MAP7D2: variants seen among roughly 807,000 people sequenced by gnomAD.
MAP7D2 encodes the protein MAP7 domain-containing protein 2.
Under a neutral mutation model 63.5 loss-of-function variants are expected in MAP7D2, and 33 were observed. The observed-to-expected ratio is 0.52, with a 90% CI of 0.39 to 0.70. The LOEUF (loss-of-function observed/expected upper bound fraction) is 0.70. MAP7D2 is among the 30% of genes least tolerant of loss of function. The pLI, the probability that MAP7D2 is intolerant of heterozygous loss-of-function variation, is 0.00. For missense variants in MAP7D2, 626 were observed against 604.0 expected (o/e 1.04, Z -0.38); for synonymous variants, 224 against 223.7 (o/e 1.00, Z -0.01).
chrX:20,042,758 C>T (rs1223729021), intron 7 of MAP7D2, 129 bp from the exon 8 acceptor site: 3 of 777,116 alleles, frequency 3.9e-6, no homozygotes, highest in East Asian at 3.2e-5. Flanking sequence ...TAACGCTTCA[C>T]ATGACAGGCA....
Position 20,060,482 on chromosome X carries a change from GAA to G in MAP7D2, c.372+2930_372+2931del, listed in dbSNP as rs1433791740. Among the ~76,000 whole-genome samples, 41 of 101,124 alleles carry G rather than the reference GAA, an allele frequency of 4.1e-4. 1 individual carries two copies. Among genetic ancestry groups the G allele is most frequent in the Non-Finnish European group, 6.8e-4 (33 of 48,578 alleles). 87.8% of individuals were successfully genotyped at this position (101,124 alleles called of 115,157 possible). A position where few individuals can be genotyped will look rare whatever the true frequency, so the allele number is the denominator to read the frequency against. ...AGAAAGAAAGAAAGAAAGAAAGAAA[GAA>G]AGAAAGAGAAAGAGGCCTTTCTCTT... On this transcript the variant is annotated intron_variant, in intron 3 of 16. Transcript: ENST00000379643.
Position 20,097,396 on chromosome X carries a change from C to T in MAP7D2, c.130+19354G>A, listed in dbSNP as rs371331836. On this transcript the variant is annotated intron_variant, in intron 1 of 16. Transcript: ENST00000379643. ...GGGTGAAGCACCTAAGTAGTGTGTG[C>T]CAAAGAGGGGTGGGGCCAAAAAACA... 1.4e-4 allele frequency among the ~76,000 whole-genome samples: 16 copies of T among 111,197 alleles called. No individual in the cohort carries two copies. The South Asian group carries it at 2.7e-3, about 19-fold the overall frequency.
intron 1 of MAP7D2, among the ~76,000 whole-genome samples, chrX:20,110,115 A>G (rs940306329): frequency 9.7e-6 from 1 of 102,916 alleles, no homozygotes; most frequent in African/African-American, 3.6e-5. Flanking sequence ...TTTGGTCATT[A>G]TTCCCAAAAC....
intron 1 of MAP7D2, among the ~76,000 whole-genome samples, chrX:20,110,132 A>C (rs1438652727): frequency 2.8e-5 from 3 of 107,687 alleles, no homozygotes; most frequent in African/African-American, 1.0e-4. Context: ...AAACAACGAC[A>C]CAGTATAGCA....
intron 16 of MAP7D2, among the ~76,000 whole-genome samples, chrX:20,008,690 C>A (rs1425999683): frequency 8.9e-6 from 1 of 112,139 alleles, no homozygotes; most frequent in Non-Finnish European, 1.9e-5. Context: ...CCCAGCCACT[C>A]TGGCAACAAA....
chrX:20,063,257 G>C (rs1337361095), intron 3 of MAP7D2, among the ~76,000 whole-genome samples, 157 bp downstream of exon 3: 1 of 111,937 alleles, frequency 8.9e-6, no homozygotes, highest in Non-Finnish European at 1.9e-5. Flanking sequence ...GCTGCTTCGA[G>C]TTTCATGTCA....
intron 5 of MAP7D2, among the ~76,000 whole-genome samples, chrX:20,052,105 T>C (rs1338874189): frequency 8.9e-6 from 1 of 112,537 alleles, no homozygotes; most frequent in Non-Finnish European, 1.9e-5. Flanking sequence ...CCTTTTGCTC[T>C]GCCCTTGGTG....
At chrX:20,070,356 C>T (rs1203205354) in intron 1 of MAP7D2, among the ~76,000 whole-genome samples, 4 of 110,134 alleles carry the variant, frequency 3.6e-5, no homozygotes, top group Non-Finnish European at 7.6e-5. Flanking sequence ...CTCCTGGCCT[C>T]AAGTGGTCCT....
chrX:20,079,880 C>T (rs1327374529), intron 1 of MAP7D2, among the ~76,000 whole-genome samples: 1 of 111,261 alleles, frequency 9.0e-6, no homozygotes, highest in East Asian at 2.8e-4. Flanking sequence ...TCCAGGAAAC[C>T]CCCCACAACT....
intron 8 of MAP7D2, among the ~76,000 whole-genome samples, chrX:20,027,969 C>T (rs2073926596): frequency 9.1e-6 from 1 of 110,380 alleles, no homozygotes; most frequent in African/African-American, 3.3e-5. Flanking sequence ...CACGTTGAGT[C>T]CTCATGTGTT....
intron 7 of MAP7D2, among the ~76,000 whole-genome samples, chrX:20,044,159 C>T (rs193297434): frequency 3.6e-5 from 4 of 111,780 alleles, no homozygotes; most frequent in Non-Finnish European, 7.5e-5. Context: ...GAATTTGCTC[C>T]AAGGTACTAA....
chrX:20,066,090 T>C (rs1207954738), intron 1 of MAP7D2, among the ~76,000 whole-genome samples: 1 of 110,493 alleles, frequency 9.1e-6, no homozygotes, highest in Non-Finnish European at 1.9e-5. Flanking sequence ...GCCCGGCTAA[T>C]TTTTTGTATT....
At chrX:20,040,640 C>T (rs112260319) in intron 8 of MAP7D2, among the ~76,000 whole-genome samples, 1 of 110,741 alleles carries the variant, frequency 9.0e-6, no homozygotes, top group Admixed American at 9.7e-5. Context: ...TAGACAGATC[C>T]AAGGAGAGGG....
chrX:20,077,799 T>C (rs2065685162), intron 1 of MAP7D2, among the ~76,000 whole-genome samples: 2 of 112,007 alleles, frequency 1.8e-5, no homozygotes, highest in African/African-American at 6.5e-5. Flanking sequence ...GGGCAAGGAT[T>C]CTTTTCCAAC....
intron 2 of MAP7D2, among the ~76,000 whole-genome samples, chrX:20,064,179 G>A (rs2065291672): frequency 8.9e-6 from 1 of 112,035 alleles, no homozygotes; most frequent in African/African-American, 3.2e-5. Flanking sequence ...CAGTGAAGAA[G>A]AGAAGAACCT....
intron 1 of MAP7D2, chrX:20,116,468 G>T: frequency 1.6e-6 from 1 of 641,011 alleles, no homozygotes; most frequent in Non-Finnish European, 1.9e-6. Flanking sequence ...ACCCCCTCAG[G>T]CACCTCCATC....
intron 1 of MAP7D2, among the ~76,000 whole-genome samples, chrX:20,101,601 G>A (rs1306673579): frequency 1.8e-5 from 2 of 111,933 alleles, no homozygotes; most frequent in African/African-American, 6.5e-5. Context: ...CAAGCATAAC[G>A]CTCATAAAAG....
At position 20,024,951 on chromosome X, in the gene MAP7D2, C is replaced by G. The variant is rs1396397313; in HGVS notation, c.1412G>C (p.Arg471Thr). 8.3e-7 allele frequency: 1 copy of G among 1,209,319 alleles called. No individual in the cohort carries two copies. Among genetic ancestry groups the G allele is most frequent in the Non-Finnish European group, 1.1e-6 (1 of 894,371 alleles). The change falls in exon 10 of 17, where the codon AGG (arginine) becomes ACG (threonine). Residue 471 changes from arginine to threonine, a missense_variant and splice_region_variant. Transcript: ENST00000379643. The stretch of plus-strand genomic sequence containing the variant: ...ACCGAAATTCTGAGCACTAGCATAC[C>G]TATCTTGTTCTTCCTTCTCCAGTCG... ...QERLEKEEQD[R>T]LEREELKRKA...
chrX:20,064,715 G>C lies in MAP7D2; in HGVS notation c.208+13C>G, dbSNP rs1357751667. The C allele has an allele frequency of 4.2e-6, 5 of 1,203,679 alleles. No individual in the cohort carries two copies. Among genetic ancestry groups the C allele is most frequent in the African/African-American group, 1.7e-5 (1 of 57,585 alleles). On this transcript the variant is annotated intron_variant, in intron 2 of 16. Coordinates refer to ENST00000379643, the MANE Select transcript of MAP7D2 (RefSeq NM_001168465.2). ...ACTCCCTTGGACCAAAATAGCCAAA[G>C]TGCATAACTTACCCAGACATTTTTC...
Sources: gnomAD v4.1 joint callset for allele counts (sites outside exome capture counted in the v4.1 genomes callset) on GRCh38, gnomAD v4.1.1 for gene constraint, MANE v1.5 for transcripts, NCBI Gene and HGNC (gene_info 2026-07-23, HGNC 2026-07-21) for gene names.